ADCY4: variants seen among roughly 807,000 people sequenced by gnomAD.
ADCY4 encodes the protein adenylate cyclase type 4.
In ADCY4, 111 loss-of-function variants were observed where a neutral mutation model predicts 125.5. The observed-to-expected ratio is 0.88, with a 90% confidence interval of 0.76 to 1.04. The LOEUF is 1.04. Ranked by LOEUF, ADCY4 falls within the 50% of genes least tolerant of loss-of-function variation. ADCY4 has a pLI of 0.00. For missense variants in ADCY4, 1,256 were observed against 1,382.9 expected, an observed-to-expected ratio of 0.91 and a Z score of 1.46; for synonymous variants, 576 against 586.9, an observed-to-expected ratio of 0.98 and a Z score of 0.27.
In ADCY4 at chr14:24,329,164, G is replaced by A. The variant is rs775935314; in HGVS notation, c.1421C>T (p.Pro474Leu). ...LSSLEGLKMR[P>L]SLLMTRYLES... ...CAGGTAACGGGTCATCAGCAGTGAT[G>A]GACGCATCTTGAGGCCCTCAAGCGA... Residue 474 changes from proline to leucine, a missense_variant, in exon 10 of 25, where the codon CCA (proline) becomes CTA (leucine). Pro to Leu is a moderately conservative substitution (Grantham distance 98). Coordinates refer to ENST00000418030, the MANE Select transcript of ADCY4 (RefSeq NM_001198568.2). 1.8e-5 allele frequency: 29 copies of A among 1,613,876 alleles called. No individual in the cohort carries two copies. Among genetic ancestry groups the A allele is most frequent in the Non-Finnish European group, 1.2e-5 (14 of 1,179,940 alleles).
At chr14:24,322,393 G>A in intron 19 of ADCY4, 169 bp from the exon 20 acceptor site, 1 of 891,716 alleles carries the variant, frequency 1.1e-6, no homozygotes, top group South Asian at 1.8e-5. Context: ...CTTGAAATTA[G>A]ATTCAGACTA....
chr14:24,322,514 C>T (rs551739166), intron 19 of ADCY4, 110 bp downstream of exon 19: 43 of 1,181,896 alleles, frequency 3.6e-5, no homozygotes, highest in African/African-American at 2.3e-4. Flanking sequence ...CAGGAAGGCT[C>T]GCTTAGAAGC....
In ADCY4 at chr14:24,326,362, G is replaced by A; in HGVS notation, c.1525-20C>T. 6.2e-7 allele frequency: 1 copy of A among 1,601,210 alleles called. No individual in the cohort carries two copies. Among genetic ancestry groups the A allele is most frequent in the African/African-American group, 1.5e-5 (1 of 66,798 alleles). On this transcript the variant is annotated intron_variant, in intron 10 of 24. Transcript: ENST00000418030. ...CTTCTCCTGTTGGGAGAGCACAGGG[G>A]GAGGTGGGCATGGTGGGTGTTTTCC...
intron 10 of ADCY4, among the ~76,000 whole-genome samples, chr14:24,327,195 C>T (rs1193202222): frequency 6.6e-6 from 1 of 152,030 alleles, no homozygotes; most frequent in Non-Finnish European, 1.5e-5. Flanking sequence ...CCGTGCCTGG[C>T]AAGATTTCTA....
Position 24,319,226 on chromosome 14 carries a change from C to A in ADCY4, c.2842-14G>T. ...CCGTTCAGCATCCTGGCAATGGGCC[C>A]GCCCACCAGGGTGGGCCAGTGAGGG... On this transcript the variant is annotated splice_polypyrimidine_tract_variant and intron_variant, in intron 22 of 24. Coordinates refer to ENST00000418030, the MANE Select transcript of ADCY4 (RefSeq NM_001198568.2). The surrounding 1 kb of genome is among the most constrained non-coding windows in gnomAD (Gnocchi z 4.5). The A allele has an allele frequency of 6.2e-7, 1 of 1,613,970 alleles. No individual in the cohort carries two copies. Among genetic ancestry groups the A allele is most frequent in the Non-Finnish European group, 8.5e-7 (1 of 1,179,866 alleles).
At chr14:24,332,113 C>T (rs1329105078) in intron 3 of ADCY4, 176 bp from the exon 4 acceptor site, 1 of 760,354 alleles carries the variant, frequency 1.3e-6, no homozygotes. Flanking sequence ...TTCCCAGATG[C>T]TCCCTCCTCC....
In ADCY4 at chr14:24,330,011, G is replaced by A. The variant is rs757096454; in HGVS notation, c.1066C>T (p.Arg356Trp). 35 of 1,613,320 alleles carry A rather than the reference G, an allele frequency of 2.2e-5. No homozygotes were observed. The highest frequency in any genetic ancestry group is 2.7e-5 in the Non-Finnish European group (32 of 1,179,568). Residue 356 changes from arginine (R) to tryptophan (W), a missense_variant, in exon 8 of 25, where the codon CGG (arginine) becomes TGG (tryptophan). Arg to Trp is a moderately radical substitution (Grantham distance 101, BLOSUM62 -3). Transcript: ENST00000418030. The part of the protein sequence containing the change: ...LDMCRAIRKL[R>W]AATGVDINMR... Reference sequence around the variant, plus strand: ...TTGATGTCCACGCCAGTGGCTGCCCGCAGTTTCCTGAGCAGTGTGTGTGTG... The same window carrying A: ...TTGATGTCCACGCCAGTGGCTGCCCACAGTTTCCTGAGCAGTGTGTGTGTG...
At chr14:24,331,453 G>A (rs986954219) in intron 4 of ADCY4, 97 bp from the exon 5 acceptor site, 3 of 1,534,388 alleles carry the variant, frequency 2.0e-6, no homozygotes, top group Middle Eastern at 1.8e-4. Flanking sequence ...CCCATCCTAG[G>A]TGCTCCCCAG....
chr14:24,321,313 T>C (rs2041848539), intron 20 of ADCY4, among the ~76,000 whole-genome samples: 1 of 151,612 alleles, frequency 6.6e-6, no homozygotes, highest in Non-Finnish European at 1.5e-5. Context: ...CCCAGCTACC[T>C]GGGAGGCTGA....
chr14:24,329,715 G>C, intron 8 of ADCY4, 145 bp downstream of exon 8: 1 of 1,408,226 alleles, frequency 7.1e-7, no homozygotes, highest in Non-Finnish European at 9.5e-7. Flanking sequence ...TCCCCTCCCT[G>C]CACCCTAGGA....
intron 17 of ADCY4, 65 bp downstream of exon 17, chr14:24,323,279 G>T: frequency 6.8e-7 from 1 of 1,473,064 alleles, no homozygotes; most frequent in Non-Finnish European, 9.3e-7. Flanking sequence ...TCCACTCAGG[G>T]GGCTGTGGGC....
chr14:24,327,344 C>T lies in ADCY4; in HGVS notation c.1525-1002G>A, dbSNP rs577215480. ...CCCTAGCCTGCACACCAGTGGAAAG[C>T]GGCAGGAGGTCTAGCATGGGCCCCG... On this transcript the variant is annotated intron_variant, in intron 10 of 24. Transcript: ENST00000418030. Among the ~76,000 whole-genome samples the T allele has an allele frequency of 9.2e-5, 14 of 152,216 alleles. No homozygotes were observed. The South Asian group carries it at 1.2e-3, about 14-fold the overall frequency.
chr14:24,324,844 C>T (rs2139204254), intron 14 of ADCY4, among the ~76,000 whole-genome samples: 1 of 152,242 alleles, frequency 6.6e-6, no homozygotes, highest in Admixed American at 6.5e-5. Flanking sequence ...GCTGGGATTA[C>T]AGGCGCCTGC....
rs1425374425 is a variant in ADCY4, at chr14:24,319,326, T to C, written c.2841+3A>G. 6.2e-7 allele frequency: 1 copy of C among 1,614,086 alleles called. No homozygotes were observed. The highest frequency in any genetic ancestry group is 8.5e-7 in the Non-Finnish European group (1 of 1,179,946). On this transcript the variant is annotated splice_donor_region_variant and intron_variant, in intron 22 of 24. Coordinates refer to ENST00000418030, the MANE Select transcript of ADCY4 (RefSeq NM_001198568.2). This position sits in a 1 kb window ranked among gnomAD's most constrained non-coding sequence, Gnocchi z 4.5. Reference sequence around the variant, plus strand: ...GATGGTAGGTAAGGAAGGGTTGCCGTACCTGTTGTGCATCCTGTCCAGAGG... The same window carrying C: ...GATGGTAGGTAAGGAAGGGTTGCCGCACCTGTTGTGCATCCTGTCCAGAGG...
chr14:24,320,456 G>A (rs150520427), intron 20 of ADCY4, among the ~76,000 whole-genome samples: 6 of 152,290 alleles, frequency 3.9e-5, no homozygotes, highest in African/African-American at 1.4e-4. Context: ...GAGAGAAAAG[G>A]ATCGATTACA....
intron 14 of ADCY4, 87 bp from the exon 15 acceptor site, chr14:24,324,478 A>G (rs2041909352): frequency 2.8e-6 from 4 of 1,451,950 alleles, no homozygotes; most frequent in Non-Finnish European, 3.8e-6. Context: ...GGTGGGAGAT[A>G]GGGGAAGTGG....
In ADCY4 at chr14:24,331,909, C is replaced by T; in HGVS notation, c.548G>A (p.Cys183Tyr). 4 of 1,579,820 alleles carry T rather than the reference C, an allele frequency of 2.5e-6. No homozygotes were observed. Among genetic ancestry groups the T allele is most frequent in the Non-Finnish European group, 3.5e-6 (4 of 1,155,344 alleles). The change falls in exon 4 of 25, where the codon TGC becomes TAC. Residue 183 changes from cysteine (C) to tyrosine (Y), a missense_variant. By Grantham distance (194) the Cys-to-Tyr change is radical. Transcript: ENST00000418030. ...GTGGTACACTCCTGCCACGTTCCCG[C>T]ACAGGAACAGCACTGCGTTTGCTGC... is the stretch of plus-strand genomic sequence containing the variant. ...QLAANAVLFL[C>Y]GNVAGVYHKA...
At chr14:24,322,441 G>A (rs1174146689) in intron 19 of ADCY4, 183 bp downstream of exon 19, 1 of 857,848 alleles carries the variant, frequency 1.2e-6, no homozygotes, top group Non-Finnish European at 1.8e-6. Context: ...TCTAAAGCAT[G>A]GGCTTTCCCA....
At chr14:24,333,673 C>T (rs930437116) in intron 1 of ADCY4, among the ~76,000 whole-genome samples, 3 of 152,222 alleles carry the variant, frequency 2.0e-5, no homozygotes, top group Non-Finnish European at 4.4e-5. Context: ...GATCCAAGCT[C>T]ACAAGGAGGC....
Sources: allele counts gnomAD v4.1 joint callset (sites outside exome capture counted in the v4.1 genomes callset), GRCh38; gene constraint gnomAD v4.1.1; non-coding constraint Gnocchi (gnomAD v3.1); transcripts MANE v1.5; gene names NCBI Gene and HGNC (gene_info 2026-07-23, HGNC 2026-07-21).